The following MAF variants were observed in gnomAD, a reference collection of about 807,000 sequenced individuals.
The protein encoded by MAF is transcription factor Maf.
A neutral mutation model predicts 22.0 loss-of-function variants in MAF; 10 were observed. That is an observed-to-expected ratio of 0.45 (90% CI 0.28 to 0.77). MAF has a LOEUF of 0.77. Among genes scored for constraint, MAF ranks in the 30% least tolerant of loss-of-function variants. MAF has a pLI of 0.12. For missense variants in MAF, 544 were observed against 548.4 expected (o/e 0.99, Z 0.08); for synonymous variants, 337 against 255.8 (o/e 1.32, Z -3.03).
the MAF span, among the ~76,000 whole-genome samples, chr16:79,210,783 G>C: frequency 6.6e-6 from 1 of 152,088 alleles, no homozygotes; most frequent in African/African-American, 2.4e-5. Context: ...CTGTCAGTTT[G>C]GATGATATGA....
chr16:79,373,087 T>A, the MAF span, among the ~76,000 whole-genome samples: 2 of 152,192 alleles, frequency 1.3e-5, no homozygotes, highest in East Asian at 1.9e-4. Flanking sequence ...GGAGTGGTTA[T>A]AGGATATCTC....
At chr16:79,486,080 T>C in the MAF span, among the ~76,000 whole-genome samples, 1 of 152,162 alleles carries the variant, frequency 6.6e-6, no homozygotes, top group African/African-American at 2.4e-5. Context: ...ATAAACCTGA[T>C]TACGGAGTGT....
the MAF span, among the ~76,000 whole-genome samples, chr16:79,367,187 T>G: frequency 8.5e-5 from 13 of 152,252 alleles, no homozygotes; most frequent in South Asian, 2.7e-3. Context: ...GAGACAGTTC[T>G]CCTCTTTCTG....
the MAF span, among the ~76,000 whole-genome samples, chr16:79,463,476 G>A: frequency 0.028 from 4,215 of 152,162 alleles, 192 homozygotes; most frequent in African/African-American, 0.097. Context: ...TATAAACTGT[G>A]GCAAACCTGT....
the MAF span, among the ~76,000 whole-genome samples, chr16:79,330,545 G>C: frequency 6.6e-6 from 1 of 152,296 alleles, no homozygotes. Context: ...GAAGCCAAGA[G>C]AGGAGATACT....
At chr16:79,478,475 C>T in the MAF span, among the ~76,000 whole-genome samples, 5 of 152,166 alleles carry the variant, frequency 3.3e-5, no homozygotes, top group African/African-American at 1.2e-4. Context: ...ACAATCACCA[C>T]TGTCAGCCAC....
At chr16:79,550,352 C>G in the MAF span, among the ~76,000 whole-genome samples, 60 of 103,208 alleles carry the variant, frequency 5.8e-4, 1 homozygote, top group Non-Finnish European at 2.0e-4. Context: ...GAGAGAGAGA[C>G]AGACAGACAG....
intron 1 of MAF, among the ~76,000 whole-genome samples, chr16:79,587,390 G>A (rs996640885): frequency 5.3e-5 from 8 of 151,818 alleles, no homozygotes; most frequent in Non-Finnish European, 7.4e-5. Context: ...AGTTCAGATG[G>A]CTAATCTCTT....
the MAF span, among the ~76,000 whole-genome samples, chr16:79,234,119 C>G: frequency 6.6e-6 from 1 of 152,184 alleles, no homozygotes; most frequent in African/African-American, 2.4e-5. Flanking sequence ...AGTAAGCACC[C>G]TCTTCATTCT....
downstream of MAF, among the ~76,000 whole-genome samples, chr16:79,591,227 G>A (rs530218096): frequency 1.3e-5 from 2 of 152,306 alleles, no homozygotes; most frequent in East Asian, 3.9e-4. Flanking sequence ...GAGAAATTCA[G>A]AATGCGAATC....
the MAF span, among the ~76,000 whole-genome samples, chr16:79,452,337 G>A: frequency 1.3e-5 from 2 of 152,130 alleles, no homozygotes; most frequent in Non-Finnish European, 2.9e-5. Context: ...TTTTAATAAT[G>A]ATGTGCCTAT....
the MAF span, among the ~76,000 whole-genome samples, chr16:79,249,989 C>G: frequency 3.9e-5 from 6 of 152,224 alleles, no homozygotes; most frequent in African/African-American, 9.6e-5. Context: ...TTTTTCTCCT[C>G]AATTCTCTGG....
At chr16:79,264,867 C>T in the MAF span, among the ~76,000 whole-genome samples, 2 of 152,094 alleles carry the variant, frequency 1.3e-5, no homozygotes, top group Non-Finnish European at 2.9e-5. Context: ...TTCCCTCCAC[C>T]CCACAGTTCC....
At chr16:79,433,981 C>T in the MAF span, among the ~76,000 whole-genome samples, 3 of 152,182 alleles carry the variant, frequency 2.0e-5, no homozygotes, top group Non-Finnish European at 4.4e-5. Context: ...GGCCCCACCA[C>T]ATGTGGAGCT....
At chr16:79,567,790 CA>C in the MAF span, among the ~76,000 whole-genome samples, 1 of 152,184 alleles carries the variant, frequency 6.6e-6, no homozygotes, top group Non-Finnish European at 1.5e-5. Flanking sequence ...GAGATGTGTG[CA>C]AAATACCTTC....
chr16:79,308,670 T>A, the MAF span, among the ~76,000 whole-genome samples: 3 of 152,218 alleles, frequency 2.0e-5, no homozygotes, highest in East Asian at 5.8e-4. Context: ...TATTGATGTC[T>A]GTCTTTGACA....
the MAF span, among the ~76,000 whole-genome samples, chr16:79,555,901 C>A: frequency 6.6e-6 from 1 of 151,614 alleles, no homozygotes; most frequent in Non-Finnish European, 1.5e-5. Context: ...GGTATTTCTA[C>A]GAAACAGATA....
At chr16:79,211,777 T>C in the MAF span, 11 of 1,614,080 alleles carry the variant, frequency 6.8e-6, no homozygotes, top group Admixed American at 1.7e-5. Flanking sequence ...CAAGAACGGC[T>C]TGGCAGCCAG....
downstream of MAF, among the ~76,000 whole-genome samples, chr16:79,589,745 T>G (rs1308474934): frequency 6.6e-6 from 1 of 152,108 alleles, no homozygotes; most frequent in East Asian, 1.9e-4. Context: ...GCTAGGGCAG[T>G]CCTTTTGACT....
Sources: allele counts gnomAD v4.1 joint callset (sites outside exome capture counted in the v4.1 genomes callset), GRCh38; gene constraint gnomAD v4.1.1; transcripts MANE v1.5; gene names NCBI Gene and HGNC (gene_info 2026-07-23, HGNC 2026-07-21).